Variants in DPP10 observed in about 807,000 individuals in gnomAD.
DPP10 encodes dipeptidyl peptidase like 10.
Under a neutral mutation model 120.9 loss-of-function variants are expected in DPP10, and 33 were observed. The observed-to-expected ratio is 0.27, with a 90% confidence interval of 0.21 to 0.37. The LOEUF is 0.37. Among genes scored for constraint, DPP10 ranks in the 10% least tolerant of loss-of-function variants. The pLI, the probability that DPP10 is intolerant of heterozygous loss-of-function variation, is 1.00. For synonymous variants in DPP10, 337 were observed against 326.1 expected (o/e 1.03, Z -0.36); for missense variants, 816 against 942.8 (o/e 0.87, Z 1.76).
chr2:115,200,799 A>G lies in DPP10; in HGVS notation c.61-108440A>G, dbSNP rs563462980. Among the ~76,000 whole-genome samples, 3 of 152,318 alleles carry G rather than the reference A, an allele frequency of 2.0e-5. No individual in the cohort carries two copies. In the South Asian group the frequency reaches 6.2e-4, roughly 32 times the overall value. On this transcript the variant is annotated intron_variant, in intron 1 of 25. Coordinates refer to ENST00000410059, the MANE Select transcript of DPP10 (RefSeq NM_020868.6). The stretch of plus-strand genomic sequence containing the variant: ...TACTTGTCTACTTGAGTCATTCCAC[A>G]CAATGGGAACTTATTTTTAATACTA...
At chr2:114,650,195 C>T (rs1038231971) in intron 1 of DPP10, among the ~76,000 whole-genome samples, 4 of 151,982 alleles carry the variant, frequency 2.6e-5, no homozygotes, top group East Asian at 1.9e-4. Context: ...CTTGGAGCAC[C>T]GTCTGAGAGC....
intron 3 of DPP10, among the ~76,000 whole-genome samples, chr2:115,436,568 C>T (rs887426656): frequency 2.6e-5 from 4 of 151,774 alleles, no homozygotes; most frequent in Admixed American, 1.3e-4. Context: ...CTCATTAGAA[C>T]TCAAATATTA....
At chr2:115,537,794 C>T (rs1266933027) in intron 5 of DPP10, among the ~76,000 whole-genome samples, 2 of 151,924 alleles carry the variant, frequency 1.3e-5, no homozygotes, top group South Asian at 2.1e-4. Flanking sequence ...ATTTCCCACT[C>T]GAAGGCTTAG....
intron 5 of DPP10, among the ~76,000 whole-genome samples, chr2:115,644,718 G>A (rs2087090642): frequency 6.6e-6 from 1 of 152,042 alleles, no homozygotes; most frequent in Non-Finnish European, 1.5e-5. Context: ...AGGAGTTTGG[G>A]GCTGCAGCAA....
At chr2:115,257,128 C>T (rs2059036680) in intron 1 of DPP10, among the ~76,000 whole-genome samples, 1 of 152,202 alleles carries the variant, frequency 6.6e-6, no homozygotes, top group African/African-American at 2.4e-5. Flanking sequence ...TTTAACCAGT[C>T]TCTAAGAAGT....
Position 114,900,682 on chromosome 2 carries a change from A to C in DPP10, c.61-408557A>C, listed in dbSNP as rs189355762. ...CTTCATGTTTCATTTTCATTTGACA[A>C]ACAGAAGTCCCTAATTTTAATATAA... On this transcript the variant is annotated intron_variant, in intron 1 of 25. Transcript: ENST00000410059. Among the ~76,000 whole-genome samples the C allele has an allele frequency of 2.6e-4, 39 of 152,282 alleles. No individual in the cohort carries two copies. The East Asian group carries it at 7.1e-3, about 28-fold the overall frequency.
At chr2:115,091,882 A>G (rs953726463) in intron 1 of DPP10, among the ~76,000 whole-genome samples, 1 of 152,184 alleles carries the variant, frequency 6.6e-6, no homozygotes, top group Non-Finnish European at 1.5e-5. Context: ...ATGTAAGCTG[A>G]AAATAGTCAC....
Position 115,488,067 on chromosome 2 carries a change from A to C in DPP10, c.272-11443A>C, listed in dbSNP as rs1263615373. Among the ~76,000 whole-genome samples, 29 of 7,488 alleles carry C rather than the reference A, an allele frequency of 3.9e-3. 13 individuals are homozygous for C. The highest frequency in any genetic ancestry group is 4.3e-3 in the African/African-American group (29 of 6,794). The allele number at this position is 7,488 out of a possible 152,430, so 4.9% of individuals were successfully genotyped here. On this transcript the variant is annotated intron_variant, in intron 3 of 25. Transcript: ENST00000410059. ...AAACAACCCCATCAAAAAGTGGGTG[A>C]AGGACATGAACAGACACTTCTCAAA...
chr2:115,756,950 C>G (rs572525108), intron 11 of DPP10, among the ~76,000 whole-genome samples: 160 of 152,212 alleles, frequency 1.1e-3, no homozygotes, highest in Non-Finnish European at 2.0e-3. Flanking sequence ...GATAACAAAC[C>G]TACTCCCATA....
At chr2:115,552,976 C>T (rs947297827) in intron 5 of DPP10, among the ~76,000 whole-genome samples, 1 of 152,018 alleles carries the variant, frequency 6.6e-6, no homozygotes, top group African/African-American at 2.4e-5. Flanking sequence ...TAGGTTTATT[C>T]AGCTGTGGTG....
At chr2:115,513,674 C>G (rs1276249254) in intron 4 of DPP10, among the ~76,000 whole-genome samples, 4 of 151,796 alleles carry the variant, frequency 2.6e-5, no homozygotes, top group African/African-American at 9.7e-5. Flanking sequence ...TGTTTTTCAC[C>G]CCTTTGTACT....
intron 1 of DPP10, among the ~76,000 whole-genome samples, chr2:114,867,574 T>G (rs892406068): frequency 6.6e-6 from 1 of 152,208 alleles, no homozygotes; most frequent in Non-Finnish European, 1.5e-5. Flanking sequence ...TAATATGCAG[T>G]GTATTGCAAT....
chr2:115,136,325 C>A (rs545268860), intron 1 of DPP10, among the ~76,000 whole-genome samples: 1 of 152,160 alleles, frequency 6.6e-6, no homozygotes, highest in African/African-American at 2.4e-5. Flanking sequence ...CTGTGTGTGT[C>A]CTGTCCCAGT....
At chr2:115,472,131 T>C (rs2074768007) in intron 3 of DPP10, among the ~76,000 whole-genome samples, 1 of 152,204 alleles carries the variant, frequency 6.6e-6, no homozygotes, top group Admixed American at 6.5e-5. Flanking sequence ...GCTCTGTGCT[T>C]ATCTTTAATG....
intron 1 of DPP10, among the ~76,000 whole-genome samples, chr2:114,836,492 A>T (rs1382731074): frequency 6.6e-6 from 1 of 152,112 alleles, no homozygotes; most frequent in Non-Finnish European, 1.5e-5. Flanking sequence ...AAGGGGAGGG[A>T]GTGTACGAAT....
chr2:115,597,618 ATG>A lies in DPP10; in HGVS notation c.441+71656_441+71657del, dbSNP rs35557232. ...TATTTCATTTACATATATAAATAAA[ATG>A]TGTGTGTGTAGCTTAGATATCAGCT... is the stretch of plus-strand genomic sequence containing the variant. On this transcript the variant is annotated intron_variant, in intron 5 of 25. Transcript: ENST00000410059. Among the ~76,000 whole-genome samples, 1,225 of 151,088 alleles carry A rather than the reference ATG, an allele frequency of 8.1e-3. 18 individuals are homozygous for A. Among genetic ancestry groups the A allele is most frequent in the African/African-American group, 0.029 (1,183 of 41,348 alleles).
At chr2:115,584,518 G>A (rs546096376) in intron 5 of DPP10, among the ~76,000 whole-genome samples, 18 of 152,344 alleles carry the variant, frequency 1.2e-4, no homozygotes, top group African/African-American at 3.1e-4. Context: ...CATGGCCTGC[G>A]AAAGCTAAAA....
intron 1 of DPP10, among the ~76,000 whole-genome samples, chr2:114,915,021 C>A (rs974340353): frequency 6.6e-5 from 10 of 152,114 alleles, no homozygotes; most frequent in African/African-American, 2.4e-4. Context: ...GTCCCAGCTG[C>A]ACGGGAGGCT....
chr2:115,746,518 G>A (rs891310847), intron 10 of DPP10, among the ~76,000 whole-genome samples: 1 of 152,010 alleles, frequency 6.6e-6, no homozygotes, highest in African/African-American at 2.4e-5. Flanking sequence ...TTTTTTTGAA[G>A]GTGTTCATTA....
Sources: allele counts gnomAD v4.1 joint callset (sites outside exome capture counted in the v4.1 genomes callset), GRCh38; gene constraint gnomAD v4.1.1; transcripts MANE v1.5; gene names NCBI Gene and HGNC (gene_info 2026-07-23, HGNC 2026-07-21).